SGCZ: variants seen among roughly 807,000 people sequenced by gnomAD.
SGCZ encodes zeta-sarcoglycan.
A neutral mutation model predicts 41.3 loss-of-function variants in SGCZ; 40 were observed. The observed-to-expected ratio is 0.97, with a 90% CI of 0.75 to 1.26. SGCZ has a LOEUF of 1.26. SGCZ is among the 50% of genes most tolerant of loss of function. The probability of loss-of-function intolerance (pLI) is 0.00; values close to 1 mark genes in which losing one functional copy is unlikely to be tolerated. For synonymous variants in SGCZ, 206 were observed against 137.5 expected (o/e 1.50, Z -3.49); for missense variants, 552 against 369.8 (o/e 1.49, Z -4.04).
In SGCZ at chr8:14,272,183, T is replaced by C. The variant is rs141665037; in HGVS notation, c.337-34504A>G. On this transcript the variant is annotated intron_variant, in intron 3 of 7. Coordinates refer to ENST00000382080, the MANE Select transcript of SGCZ (RefSeq NM_139167.4). ...CATGCCCAGCTAATTTCTGTATTTT[T>C]TGTAGAGACAGTGTTTTACCATGTT... 6.8e-3 allele frequency among the ~76,000 whole-genome samples: 1,043 copies of C among 152,288 alleles called. 10 individuals carry two copies. The highest frequency in any genetic ancestry group is 0.019 in the South Asian group (92 of 4,826).
Position 14,757,611 on chromosome 8 carries a change from A to G in SGCZ, c.40-202685T>C, listed in dbSNP as rs146001710. Among the ~76,000 whole-genome samples, 303 of 152,180 alleles carry G rather than the reference A, an allele frequency of 2.0e-3. 1 individual carries two copies. The highest frequency in any genetic ancestry group is 0.014 in the Middle Eastern group (4 of 294). ...GAGGCAGAAATAACTTGCCAGATCA[A>G]GTTGTTCTGAGTACCGGGTAGCATG... On this transcript the variant is annotated intron_variant, in intron 1 of 7. Coordinates refer to ENST00000382080, the MANE Select transcript of SGCZ (RefSeq NM_139167.4).
At chr8:14,631,493 C>G (rs1806652496) in intron 1 of SGCZ, among the ~76,000 whole-genome samples, 1 of 152,028 alleles carries the variant, frequency 6.6e-6, no homozygotes, top group Non-Finnish European at 1.5e-5. Flanking sequence ...ATGGCTTCCC[C>G]TTGCCCAGAG....
chr8:14,308,405 T>G (rs145274459), intron 3 of SGCZ, among the ~76,000 whole-genome samples: 1 of 152,182 alleles, frequency 6.6e-6, no homozygotes, highest in East Asian at 1.9e-4. Flanking sequence ...TGTGAGTGGA[T>G]ATTCTTTTGA....
intron 1 of SGCZ, among the ~76,000 whole-genome samples, chr8:14,857,970 A>C (rs527968640): frequency 6.6e-6 from 1 of 152,250 alleles, no homozygotes. Context: ...AAAAATACTT[A>C]TTTTCAGAAA....
chr8:14,415,518 A>T (rs985392925), intron 2 of SGCZ, among the ~76,000 whole-genome samples: 6 of 151,918 alleles, frequency 3.9e-5, no homozygotes, highest in African/African-American at 1.2e-4. Flanking sequence ...TTAAGTCAGA[A>T]TGCTTTATTC....
chr8:14,777,517 C>G (rs1800444422), intron 1 of SGCZ, among the ~76,000 whole-genome samples: 1 of 152,070 alleles, frequency 6.6e-6, no homozygotes, highest in South Asian at 2.1e-4. Flanking sequence ...AGTTGAAGAT[C>G]CAATCACAGA....
At chr8:15,174,889 C>T (rs1275144918) in intron 1 of SGCZ, among the ~76,000 whole-genome samples, 2 of 152,068 alleles carry the variant, frequency 1.3e-5, no homozygotes, top group Non-Finnish European at 2.9e-5. Context: ...TGCTTACACA[C>T]TGTTGGGAGG....
intron 2 of SGCZ, among the ~76,000 whole-genome samples, chr8:14,398,358 G>C (rs1026281876): frequency 6.6e-6 from 1 of 152,112 alleles, no homozygotes; most frequent in African/African-American, 2.4e-5. Context: ...ATTACTGATA[G>C]TTCTCACTGT....
chr8:14,243,400 T>C (rs562715577), intron 3 of SGCZ, among the ~76,000 whole-genome samples: 2 of 152,308 alleles, frequency 1.3e-5, no homozygotes, highest in East Asian at 3.9e-4. Context: ...CTCTAACAGA[T>C]TTAAAACTCA....
At chr8:15,193,038 T>C (rs1800590993) in intron 1 of SGCZ, among the ~76,000 whole-genome samples, 1 of 152,056 alleles carries the variant, frequency 6.6e-6, no homozygotes. Flanking sequence ...CACTTATAAT[T>C]GGTGAATACT....
intron 1 of SGCZ, among the ~76,000 whole-genome samples, chr8:14,842,424 GAA>G (rs1491240618): frequency 6.8e-6 from 1 of 148,006 alleles, no homozygotes; most frequent in Non-Finnish European, 1.5e-5. Context: ...AGGATGGAAA[GAA>G]AGGGAAGGGA....
At chr8:14,115,192 A>C (rs188534104) in intron 5 of SGCZ, among the ~76,000 whole-genome samples, 57 of 152,120 alleles carry the variant, frequency 3.7e-4, no homozygotes, top group African/African-American at 1.3e-3. Flanking sequence ...ACTTAAATAA[A>C]ACCAGTAAGC....
intron 1 of SGCZ, among the ~76,000 whole-genome samples, chr8:14,628,652 CAA>C (rs1420248099): frequency 2.0e-5 from 3 of 151,996 alleles, no homozygotes; most frequent in African/African-American, 7.2e-5. Context: ...TAGCAAATGA[CAA>C]GAGACAAAAC....
At chr8:14,524,427 G>C (rs1482255126) in intron 2 of SGCZ, among the ~76,000 whole-genome samples, 2 of 151,936 alleles carry the variant, frequency 1.3e-5, no homozygotes, top group Non-Finnish European at 1.5e-5. Context: ...TGAAGTTCTT[G>C]GCTGCTGCTC....
chr8:14,724,796 G>A (rs918864831), intron 1 of SGCZ, among the ~76,000 whole-genome samples: 14 of 151,736 alleles, frequency 9.2e-5, no homozygotes, highest in Admixed American at 8.5e-4. Context: ...ATTAAATTAG[G>A]GTAAGTGGAA....
chr8:14,839,487 T>G (rs1802825376), intron 1 of SGCZ, among the ~76,000 whole-genome samples: 1 of 152,292 alleles, frequency 6.6e-6, no homozygotes, highest in Middle Eastern at 3.4e-3. Context: ...AGATTTAAAT[T>G]TGAGAGTTAT....
intron 5 of SGCZ, among the ~76,000 whole-genome samples, chr8:14,156,879 G>A (rs760286822): frequency 1.2e-4 from 19 of 152,142 alleles, no homozygotes; most frequent in Middle Eastern, 6.8e-3. Flanking sequence ...ATAAAAATGC[G>A]TTCTTCTGAA....
At chr8:14,308,249 G>A (rs1404346878) in intron 3 of SGCZ, among the ~76,000 whole-genome samples, 1 of 152,000 alleles carries the variant, frequency 6.6e-6, no homozygotes, top group African/African-American at 2.4e-5. Context: ...AAATTAGAGG[G>A]AAACTATAAT....
chr8:14,778,159 C>T (rs1434860498), intron 1 of SGCZ, among the ~76,000 whole-genome samples: 1 of 152,064 alleles, frequency 6.6e-6, no homozygotes, highest in African/African-American at 2.4e-5. Context: ...AACTACTGGC[C>T]TCAAGCGATC....
Sources: allele counts gnomAD v4.1 joint callset (sites outside exome capture counted in the v4.1 genomes callset), GRCh38; gene constraint gnomAD v4.1.1; transcripts MANE v1.5; gene names NCBI Gene and HGNC (gene_info 2026-07-23, HGNC 2026-07-21).